The following PRDM9 variants were observed in gnomAD, a reference collection of about 807,000 sequenced individuals.
PRDM9 encodes PR/SET domain 9.
A neutral mutation model predicts 55.6 loss-of-function variants in PRDM9; 47 were observed. That is an observed-to-expected ratio of 0.85 (90% CI 0.67 to 1.08). The LOEUF (loss-of-function observed/expected upper bound fraction) is 1.08. Ranked by LOEUF, PRDM9 falls within the 50% of genes least tolerant of loss-of-function variation. The pLI is 0.00. For missense variants in PRDM9, 867 were observed against 1,040.3 expected, an observed-to-expected ratio of 0.83 and a Z score of 2.29; for synonymous variants, 312 against 375.7, an observed-to-expected ratio of 0.83 and a Z score of 1.96.
chr5:23,509,388 A>C lies in PRDM9; in HGVS notation c.70-82A>C, dbSNP rs186537727. On this transcript the variant is annotated intron_variant, in intron 2 of 10. Transcript: ENST00000296682. ...CAGAGACTCCCAGAGGCCCCAGGCT[A>C]TGTCCTACACACAGGGTAGAGGAAA... is the stretch of plus-strand genomic sequence containing the variant. 1.4e-4 allele frequency: 223 copies of C among 1,603,008 alleles called. 1 individual carries two copies. The African/African-American group carries it at 2.8e-3, about 20-fold the overall frequency.
chr5:23,519,942 C>G (rs2126422819), intron 5 of PRDM9, among the ~76,000 whole-genome samples: 2 of 151,570 alleles, frequency 1.3e-5, no homozygotes, highest in East Asian at 2.0e-4. Flanking sequence ...TACTCAGGAG[C>G]CTGAAGCAGG....
intron 5 of PRDM9, among the ~76,000 whole-genome samples, chr5:23,520,286 A>T (rs796249160): frequency 6.9e-6 from 1 of 145,792 alleles, no homozygotes; most frequent in Non-Finnish European, 1.5e-5. Flanking sequence ...AATCTCTTGA[A>T]CTTGGGAGGT....
At chr5:23,514,632 G>T (rs1739167725) in intron 4 of PRDM9, among the ~76,000 whole-genome samples, 1 of 152,078 alleles carries the variant, frequency 6.6e-6, no homozygotes, top group South Asian at 2.1e-4. Flanking sequence ...TAGAGATGGG[G>T]TTTTACCATG....
chr5:23,523,411 C>T (rs1739373784), intron 9 of PRDM9, 53 bp downstream of exon 9: 2 of 1,543,662 alleles, frequency 1.3e-6, no homozygotes, highest in Non-Finnish European at 1.8e-6. Flanking sequence ...TCTCACAAAG[C>T]TGGATTTCCT....
chr5:23,509,160 G>A, intron 2 of PRDM9, 58 bp downstream of exon 2: 1 of 1,597,460 alleles, frequency 6.3e-7, no homozygotes, highest in Non-Finnish European at 8.6e-7. Context: ...CTGGAGTGCT[G>A]CAGACTCCTG....
Position 23,524,326 on chromosome 5 carries a change from G to A in PRDM9, c.951-8G>A. ...TCTTTTCTTTCCCTTTGCCTGCCTT[G>A]ACCCCAGGTATGTGAACTGTGCCCG... On this transcript the variant is annotated splice_region_variant and splice_polypyrimidine_tract_variant and intron_variant, in intron 9 of 10. Transcript: ENST00000296682. The A allele has an allele frequency of 6.2e-7, 1 of 1,613,660 alleles. No homozygotes were observed. Among genetic ancestry groups the A allele is most frequent in the South Asian group, 1.1e-5 (1 of 91,074 alleles).
rs769708564 is a variant in PRDM9, at chr5:23,508,983, C to A, written c.-51C>A. On this transcript the variant is annotated 5_prime_UTR_variant, in exon 2 of 11. Coordinates refer to ENST00000296682, the MANE Select transcript of PRDM9 (RefSeq NM_020227.4). ...GGCCTAGGAGCTGGGAGACTCAGGG[C>A]CCTTCTCACACTCAGAATTGGAGCA... 9 of 1,603,938 alleles carry A rather than the reference C, an allele frequency of 5.6e-6. No homozygotes were observed. Among genetic ancestry groups the A allele is most frequent in the African/African-American group, 5.4e-5 (4 of 74,604 alleles).
In PRDM9 at chr5:23,524,427, G is replaced by T. The variant is rs1739392073; in HGVS notation, c.1044G>T (p.Arg348Ser). ...QIFYRTCRVIRPGCELLVWYG... is the reference protein window; with the variant it reads ...QIFYRTCRVISPGCELLVWYG... ...TCTATAGAACCTGCCGAGTCATTAG[G>T]CCAGGCTGTGAACTGCTGGTCTGGT... Residue 348 changes from arginine to serine, a missense_variant, in exon 10 of 11, where the codon AGG becomes AGT. Transcript: ENST00000296682. The T allele has an allele frequency of 1.2e-6, 2 of 1,614,000 alleles. No individual in the cohort carries two copies. Among genetic ancestry groups the T allele is most frequent in the East Asian group, 4.5e-5 (2 of 44,870 alleles).
chr5:23,510,132 G>C, intron 4 of PRDM9, 105 bp downstream of exon 4: 1 of 1,136,782 alleles, frequency 8.8e-7, no homozygotes, highest in Non-Finnish European at 1.3e-6. Context: ...TTGGCTCACT[G>C]CAATCTCCAC....
intron 4 of PRDM9, among the ~76,000 whole-genome samples, chr5:23,512,276 G>C (rs1387076148): frequency 6.6e-6 from 1 of 152,104 alleles, no homozygotes. Context: ...ACCAGAGACA[G>C]CATCAGGTAA....
chr5:23,509,088 G>C lies in PRDM9; in HGVS notation c.55G>C (p.Glu19Gln). The C allele has an allele frequency of 1.2e-6, 2 of 1,614,140 alleles. No homozygotes were observed. Among genetic ancestry groups the C allele is most frequent in the Non-Finnish European group, 1.7e-6 (2 of 1,180,004 alleles). ...CCCAGAAGAAGACACAGAGAGAACA[G>C]AGCGGAAGCCCATGGTGAGAAGTGG... is the stretch of plus-strand genomic sequence containing the variant. ...ESPEEDTERT[E>Q]RKPMVKDAFK... The change falls in exon 2 of 11, where the codon GAG becomes CAG. Residue 19 changes from glutamate to glutamine, a missense_variant. This residue lies in a region of PRDM9 where 662 missense variants were observed against 711.9 expected (regional missense o/e 0.93). Coordinates refer to ENST00000296682, the MANE Select transcript of PRDM9 (RefSeq NM_020227.4).
At chr5:23,511,262 T>C (rs1386376025) in intron 4 of PRDM9, among the ~76,000 whole-genome samples, 1 of 152,166 alleles carries the variant, frequency 6.6e-6, no homozygotes, top group Non-Finnish European at 1.5e-5. Context: ...AAAGCATAAA[T>C]GTTCAACAAA....
chr5:23,509,715 T>A (rs1579587492), intron 3 of PRDM9, 122 bp downstream of exon 3: 2 of 1,562,574 alleles, frequency 1.3e-6, no homozygotes, highest in East Asian at 2.2e-5. Context: ...TGTAGACAAA[T>A]CTGGAGGGAA....
At chr5:23,518,049 A>G in intron 5 of PRDM9, 119 bp downstream of exon 5, 1 of 916,914 alleles carries the variant, frequency 1.1e-6, no homozygotes, top group South Asian at 1.3e-5. Context: ...TGATCTCTTT[A>G]GCACAGTGTC....
At position 23,526,355 on chromosome 5, in the gene PRDM9, A is replaced by G; in HGVS notation, c.1267A>G (p.Lys423Glu). Residue 423 changes from lysine (K) to glutamate (E), a missense_variant, in exon 11 of 11, where the codon AAA (lysine) becomes GAA (glutamate). By Grantham distance (56) the Lys-to-Glu change is moderately conservative. Coordinates refer to ENST00000296682, the MANE Select transcript of PRDM9 (RefSeq NM_020227.4). ...SQNFPGPSARKLLQPENPCPG... is the reference protein window; with the variant it reads ...SQNFPGPSARELLQPENPCPG... Reference sequence around the variant, plus strand: ...GAACTTCCCAGGACCATCTGCAAGAAAACTCCTCCAACCAGAGAATCCCTG... The same window carrying G: ...GAACTTCCCAGGACCATCTGCAAGAGAACTCCTCCAACCAGAGAATCCCTG... 6.2e-7 allele frequency: 1 copy of G among 1,614,222 alleles called. No individual in the cohort carries two copies. Among genetic ancestry groups the G allele is most frequent in the Non-Finnish European group, 8.5e-7 (1 of 1,180,036 alleles).
chr5:23,509,956 G>T lies in PRDM9; in HGVS notation c.230G>T (p.Arg77Leu). Residue 77 changes from arginine to leucine, a missense_variant, in exon 4 of 11, where the codon CGA becomes CTA. Arg to Leu is a moderately radical substitution (Grantham distance 102). This residue lies in a region of PRDM9 where 662 missense variants were observed against 711.9 expected (regional missense o/e 0.93). Transcript: ENST00000296682. ...ACTCGACCAGCTTTCATGTGTCACCGAAGGCAGGCCATCAAACTCCAGGTG... is the reference window on the plus strand; with the variant it reads ...ACTCGACCAGCTTTCATGTGTCACCTAAGGCAGGCCATCAAACTCCAGGTG... ...RATRPAFMCH[R>L]RQAIKLQVDD... is the part of the protein sequence containing the mutation. 1 of 1,613,660 alleles carries T rather than the reference G, an allele frequency of 6.2e-7. No individual in the cohort carries two copies. Among genetic ancestry groups the T allele is most frequent in the Non-Finnish European group, 8.5e-7 (1 of 1,179,916 alleles).
intron 4 of PRDM9, among the ~76,000 whole-genome samples, chr5:23,513,673 A>C (rs2126412999): frequency 6.6e-6 from 1 of 152,214 alleles, no homozygotes; most frequent in South Asian, 2.1e-4. Flanking sequence ...TGAGGTCAGG[A>C]GTTTGAGACC....
chr5:23,522,952 T>C (rs1190128276), intron 8 of PRDM9, 67 bp downstream of exon 8: 2 of 1,611,224 alleles, frequency 1.2e-6, no homozygotes, highest in Non-Finnish European at 1.7e-6. Flanking sequence ...TGGTGGGGCA[T>C]AATCTTCTAC....
intron 2 of PRDM9, 21 bp from the exon 3 acceptor site, chr5:23,509,449 G>A (rs1447114245): frequency 1.2e-6 from 2 of 1,614,080 alleles, no homozygotes; most frequent in Non-Finnish European, 1.7e-6. Flanking sequence ...AATCACTGAT[G>A]GAATCTGTTA....
Sources: gnomAD v4.1 joint callset for allele counts (sites outside exome capture counted in the v4.1 genomes callset) on GRCh38, gnomAD v4.1.1 for gene constraint, gnomAD v4.1.1 regional missense constraint, MANE v1.5 for transcripts, NCBI Gene and HGNC (gene_info 2026-07-23, HGNC 2026-07-21) for gene names.